The following CACNA1B variants were observed in gnomAD, a reference collection of about 807,000 sequenced individuals.
CACNA1B encodes the protein calcium voltage-gated channel subunit alpha1 B.
Under a neutral mutation model 247.2 loss-of-function variants are expected in CACNA1B, and 70 were observed. The observed-to-expected ratio is 0.28, with a 90% CI of 0.23 to 0.35. CACNA1B has a LOEUF of 0.35. Ranked by LOEUF, CACNA1B falls within the 10% of genes least tolerant of loss-of-function variation. The pLI is 1.00. For missense variants in CACNA1B, 2,367 were observed against 3,197.4 expected, an observed-to-expected ratio of 0.74 and a Z score of 6.26; for synonymous variants, 1,231 against 1,294.4, an observed-to-expected ratio of 0.95 and a Z score of 1.05.
intron 13 of CACNA1B, among the ~76,000 whole-genome samples, chr9:137,985,528 T>A (rs7861230): frequency 6.6e-6 from 1 of 152,026 alleles, no homozygotes; most frequent in African/African-American, 2.4e-5. Context: ...GAGTCTTCCA[T>A]CCCGTCTGCC....
intron 6 of CACNA1B, among the ~76,000 whole-genome samples, chr9:137,942,892 A>T (rs904062899): frequency 6.6e-6 from 1 of 152,168 alleles, no homozygotes; most frequent in African/African-American, 2.4e-5. Context: ...GGTGCACGAA[A>T]ATCTCATAAA....
At chr9:137,878,350 C>A in intron 1 of CACNA1B, 133 bp downstream of exon 1, 1 of 759,012 alleles carries the variant, frequency 1.3e-6, no homozygotes, top group Non-Finnish European at 1.8e-6. Flanking sequence ...GGGTACGGAG[C>A]GCCCCAGGGC....
In CACNA1B at chr9:138,047,034, G is replaced by A. The variant is rs1399346608; in HGVS notation, c.3543+1G>A. The A allele has an allele frequency of 1.9e-6, 3 of 1,606,640 alleles. No individual in the cohort carries two copies. Among genetic ancestry groups the A allele is most frequent in the Non-Finnish European group, 1.7e-6 (2 of 1,174,970 alleles). On this transcript the variant is annotated splice_donor_variant, in intron 22 of 46. Coordinates refer to ENST00000371372, the MANE Select transcript of CACNA1B (RefSeq NM_000718.4). LOFTEE classifies it high-confidence loss of function. Reference sequence around the variant, plus strand: ...GCGCACAGACTCGCCCAGGAACAACGTGAGTGGCCCGGATGGCCGGGTCCC... The same window carrying A: ...GCGCACAGACTCGCCCAGGAACAACATGAGTGGCCCGGATGGCCGGGTCCC...
chr9:138,064,360 C>T (rs1959840051), intron 31 of CACNA1B, among the ~76,000 whole-genome samples: 1 of 152,190 alleles, frequency 6.6e-6, no homozygotes, highest in Admixed American at 6.5e-5. Flanking sequence ...TAGGATTCTT[C>T]TGCAAGGGGG....
At chr9:137,965,645 C>T (rs1189611023) in intron 10 of CACNA1B, among the ~76,000 whole-genome samples, 2 of 152,228 alleles carry the variant, frequency 1.3e-5, no homozygotes, top group African/African-American at 4.8e-5. Context: ...GTCGCCTAGG[C>T]TGGAATGCAA....
At chr9:138,001,763 CATT>C (rs1281808974) in intron 15 of CACNA1B, among the ~76,000 whole-genome samples, 2 of 151,974 alleles carry the variant, frequency 1.3e-5, no homozygotes, top group Non-Finnish European at 2.9e-5. Flanking sequence ...TAATAAATAA[CATT>C]ATTCAATTAG....
In CACNA1B at chr9:138,073,632, T is replaced by C; in HGVS notation, c.4791+28T>C. ...GGGCCAGGCGGGGGGCCTCCATGCTTTCTGTCCCCTTCCTCCGTCTTGCTT... is the reference window on the plus strand; with the variant it reads ...GGGCCAGGCGGGGGGCCTCCATGCTCTCTGTCCCCTTCCTCCGTCTTGCTT... On this transcript the variant is annotated intron_variant, in intron 33 of 46. Transcript: ENST00000371372. The surrounding 1 kb of genome is among the most constrained non-coding windows in gnomAD (Gnocchi z 6.4). 8.1e-7 allele frequency: 1 copy of C among 1,240,980 alleles called. No individual in the cohort carries two copies. The allele number at this position is 1,240,980 out of a possible 1,614,324, so 76.9% of individuals were successfully genotyped here.
intron 24 of CACNA1B, among the ~76,000 whole-genome samples, chr9:138,049,923 C>T (rs1401444231): frequency 1.3e-5 from 2 of 152,150 alleles, no homozygotes; most frequent in Non-Finnish European, 2.9e-5. Flanking sequence ...GGGAATACGG[C>T]GGGGAGTTGT....
rs561179246 is a variant in CACNA1B at position 138,052,247 on chromosome 9, T to C, written c.3807+59T>C. ...CTGTGTGTGTGTGCGTGTGTGTGTG[T>C]GCGTGTGTGTGTGTGTATGCATGCA... On this transcript the variant is annotated intron_variant, in intron 25 of 46. Transcript: ENST00000371372. The surrounding 1 kb of genome is among the most constrained non-coding windows in gnomAD (Gnocchi z 5.1). 5,469 of 850,686 alleles carry C rather than the reference T, an allele frequency of 6.4e-3. 62 individuals are homozygous for C. The highest frequency in any genetic ancestry group is 9.2e-3 in the South Asian group (627 of 68,408). The allele number at this position is 850,686 out of a possible 1,614,324, so 52.7% of individuals were successfully genotyped here.
rs986511506 is a variant in CACNA1B at position 137,919,435 on chromosome 9, A to T, written c.966+2004A>T. Among the ~76,000 whole-genome samples the T allele has an allele frequency of 1.3e-5, 2 of 152,228 alleles. No homozygotes were observed. The highest frequency in any genetic ancestry group is 1.3e-4 in the Admixed American group (2 of 15,286). On this transcript the variant is annotated intron_variant, in intron 6 of 46. Transcript: ENST00000371372. The surrounding 1 kb of genome is among the most constrained non-coding windows in gnomAD (Gnocchi z 4.6). ...TTGGAAGCTTGGCCGGGGCAGCAAG[A>T]TGCAGTCATGGCAGTGCCTGGGGCT...
Position 137,986,703 on chromosome 9 carries a change from T to C in CACNA1B, c.1902-79T>C, listed in dbSNP as rs1192931587. On this transcript the variant is annotated intron_variant, in intron 14 of 46. Coordinates refer to ENST00000371372, the MANE Select transcript of CACNA1B (RefSeq NM_000718.4). The surrounding 1 kb of genome is among the most constrained non-coding windows in gnomAD (Gnocchi z 6.0). ...CATCTGCAGCCTGAAGCGAGCAGGT[T>C]GAGGCCACGCTGGAGCCTGCAGGCG... is the stretch of plus-strand genomic sequence containing the variant. The C allele has an allele frequency of 7.1e-7, 1 of 1,414,210 alleles. No individual in the cohort carries two copies. Among genetic ancestry groups the C allele is most frequent in the Non-Finnish European group, 1.0e-6 (1 of 998,798 alleles). The allele number at this position is 1,414,210 out of a possible 1,614,324, so 87.6% of individuals were successfully genotyped here. A position where few individuals can be genotyped will look rare whatever the true frequency, so the allele number is the denominator to read the frequency against.
At chr9:138,091,412 A>C (rs1047595938) in intron 36 of CACNA1B, among the ~76,000 whole-genome samples, 1 of 152,240 alleles carries the variant, frequency 6.6e-6, no homozygotes, top group African/African-American at 2.4e-5. Context: ...GGATAGCCAA[A>C]GGTTGGTGAA....
intron 1 of CACNA1B, among the ~76,000 whole-genome samples, chr9:137,878,623 C>T (rs989808619): frequency 4.6e-5 from 7 of 152,176 alleles, no homozygotes; most frequent in African/African-American, 1.7e-4. Flanking sequence ...CGTGCGTGCG[C>T]TCGCGATGCG....
intron 15 of CACNA1B, among the ~76,000 whole-genome samples, chr9:138,003,292 C>T (rs1270380968): frequency 6.6e-6 from 1 of 151,476 alleles, no homozygotes; most frequent in Non-Finnish European, 1.5e-5. Flanking sequence ...CCTGCCTCAG[C>T]CTTCTGAGTA....
rs1269691735 is a variant in CACNA1B, at chr9:137,889,423, C to T, written c.530+6540C>T. On this transcript the variant is annotated intron_variant, in intron 3 of 46. Transcript: ENST00000371372. ...CCTAGTGTGGCTGGAACCGGTGGAG[C>T]GGGGGCTGAGTTCTGACAAGTCCCT... Among the ~76,000 whole-genome samples, 13 of 148,216 alleles carry T rather than the reference C, an allele frequency of 8.8e-5. 1 individual carries two copies. In the South Asian group the frequency reaches 1.5e-3, roughly 17 times the overall value.
chr9:137,903,300 C>G (rs866853848), intron 3 of CACNA1B, among the ~76,000 whole-genome samples: 1 of 152,178 alleles, frequency 6.6e-6, no homozygotes, highest in Admixed American at 6.5e-5. Flanking sequence ...GCAGGAGAAT[C>G]ACTTGAACCC....
intron 12 of CACNA1B, 83 bp from the exon 13 acceptor site, chr9:137,984,055 G>T: frequency 9.9e-7 from 1 of 1,013,294 alleles, no homozygotes; most frequent in Non-Finnish European, 1.5e-6. Context: ...GAGAGGTGCA[G>T]CCACGCAGGG....
intron 18 of CACNA1B, among the ~76,000 whole-genome samples, chr9:138,016,633 GCTGCCC>G (rs1958795762): frequency 6.6e-6 from 1 of 152,058 alleles, no homozygotes; most frequent in Non-Finnish European, 1.5e-5. Flanking sequence ...GTTAGCCTAC[GCTGCCC>G]CATCTCGAGG....
intron 20 of CACNA1B, chr9:138,032,610 A>AT (rs1171188899): frequency 2.3e-6 from 1 of 439,526 alleles, no homozygotes; most frequent in Non-Finnish European, 4.5e-6. Context: ...GAATGTCTTG[A>AT]TTTTCCCTTC....
Sources: allele counts gnomAD v4.1 joint callset (sites outside exome capture counted in the v4.1 genomes callset), GRCh38; gene constraint gnomAD v4.1.1; non-coding constraint Gnocchi (gnomAD v3.1); transcripts MANE v1.5; gene names NCBI Gene and HGNC (gene_info 2026-07-23, HGNC 2026-07-21).